The following RGPD2 variants were observed in gnomAD, a reference collection of about 807,000 sequenced individuals.
RGPD2 encodes RANBP2-like and GRIP domain-containing protein 2.
In RGPD2, 2 loss-of-function variants were observed where a neutral mutation model predicts 36.0. The observed-to-expected ratio is 0.06, with a 90% CI of 0.02 to 0.17. RGPD2 has a LOEUF of 0.17. Ranked by LOEUF, RGPD2 falls within the 10% of genes least tolerant of loss-of-function variation. The pLI is 1.00. For missense variants in RGPD2, 40 were observed against 464.3 expected (o/e 0.09, Z 8.40); for synonymous variants, 19 against 163.8 (o/e 0.12, Z 6.75).
chr2:87,957,494 C>T, the RGPD2 span, among the ~76,000 whole-genome samples: 4 of 152,120 alleles, frequency 2.6e-5, no homozygotes, highest in African/African-American at 7.2e-5. Context: ...TGAAGACCCA[C>T]TTCCTGGTTC....
chr2:87,905,588 C>T, the RGPD2 span, among the ~76,000 whole-genome samples: 1 of 151,718 alleles, frequency 6.6e-6, no homozygotes, highest in Non-Finnish European at 1.5e-5. Flanking sequence ...CAGAGCTGTA[C>T]AGCCCTTACC....
the RGPD2 span, among the ~76,000 whole-genome samples, chr2:87,947,804 A>G: frequency 6.6e-6 from 1 of 152,310 alleles, no homozygotes; most frequent in Non-Finnish European, 1.5e-5. Context: ...CTCAAGATCT[A>G]AAACATGTCA....
chr2:87,790,488 TAAG>T (rs1201326300), intron 17 of RGPD2, among the ~76,000 whole-genome samples: 2 of 100,864 alleles, frequency 2.0e-5, no homozygotes, highest in South Asian at 4.2e-4. Flanking sequence ...ATTTTAAAGA[TAAG>T]AAGCCAGTCA....
chr2:87,876,162 G>T, the RGPD2 span, among the ~76,000 whole-genome samples: 3 of 150,572 alleles, frequency 2.0e-5, no homozygotes, highest in Admixed American at 1.3e-4. Flanking sequence ...TAAAAAAACA[G>T]CTTCTGGATT....
At chr2:87,825,115 CTG>C (rs1686646749) in intron 1 of RGPD2, 1 of 390,216 alleles carries the variant, frequency 2.6e-6, no homozygotes, top group Admixed American at 4.5e-5. Flanking sequence ...GAACGAAAAT[CTG>C]TTCGCTTCAT....
Position 87,809,965 on chromosome 2 carries a change from T to A in RGPD2, c.779+1520A>T, listed in dbSNP as rs1263445935. The stretch of plus-strand genomic sequence containing the variant: ...GTGAGCCGAGATTGCGCCACTCTAC[T>A]CCAGGCTGGGTGACAGAGCGAGACT... On this transcript the variant is annotated intron_variant, in intron 6 of 22. Transcript: ENST00000398146. 9.1e-3 allele frequency among the ~76,000 whole-genome samples: 552 copies of A among 60,898 alleles called. 1 individual carries two copies. The highest frequency in any genetic ancestry group is 0.013 in the Non-Finnish European group (360 of 28,020). The allele number at this position is 60,898 out of a possible 152,430, so 40.0% of individuals were successfully genotyped here. A position where few individuals can be genotyped will look rare whatever the true frequency, so the allele number is the denominator to read the frequency against.
the RGPD2 span, among the ~76,000 whole-genome samples, chr2:87,985,225 G>A: frequency 2.0e-5 from 3 of 150,328 alleles, no homozygotes; most frequent in African/African-American, 4.9e-5. Flanking sequence ...TAAGTACAGA[G>A]TAGATGGTAT....
At chr2:87,963,981 A>C in the RGPD2 span, among the ~76,000 whole-genome samples, 2 of 149,192 alleles carry the variant, frequency 1.3e-5, no homozygotes, top group Admixed American at 1.3e-4. Context: ...GATTACAGGT[A>C]CGTGCCATCA....
chr2:87,972,852 T>C, the RGPD2 span: 23 of 1,611,100 alleles, frequency 1.4e-5, no homozygotes, highest in Admixed American at 3.8e-4. Flanking sequence ...TGGACTGTCC[T>C]CATCCTCTTT....
the RGPD2 span, among the ~76,000 whole-genome samples, chr2:87,970,058 C>T: frequency 4.0e-5 from 6 of 151,558 alleles, no homozygotes; most frequent in African/African-American, 1.2e-4. Context: ...AAAATCATTT[C>T]TAAAGACTAT....
the RGPD2 span, among the ~76,000 whole-genome samples, chr2:87,939,466 G>T: frequency 6.6e-6 from 1 of 151,844 alleles, no homozygotes; most frequent in Non-Finnish European, 1.5e-5. Context: ...ACACTATCAG[G>T]GTCACGTGTT....
chr2:87,937,519 A>G, the RGPD2 span, among the ~76,000 whole-genome samples: 3 of 151,846 alleles, frequency 2.0e-5, no homozygotes, highest in African/African-American at 7.3e-5. Flanking sequence ...AAGGGAGAGT[A>G]GGCATGTCAC....
At chr2:87,861,731 T>G in the RGPD2 span, among the ~76,000 whole-genome samples, 1 of 149,314 alleles carries the variant, frequency 6.7e-6, no homozygotes, top group African/African-American at 2.5e-5. Context: ...GCAGACCATA[T>G]AGCTACCATC....
the RGPD2 span, among the ~76,000 whole-genome samples, chr2:87,917,972 T>C: frequency 8.5e-6 from 1 of 118,304 alleles, no homozygotes. Context: ...ATCAAATTTC[T>C]TATTGTTTTT....
chr2:87,876,420 A>T, the RGPD2 span, among the ~76,000 whole-genome samples: 1 of 152,222 alleles, frequency 6.6e-6, no homozygotes, highest in Non-Finnish European at 1.5e-5. Context: ...AAATTCTAGT[A>T]CATTGTCTCT....
At chr2:87,989,410 T>C in the RGPD2 span, among the ~76,000 whole-genome samples, 8 of 152,124 alleles carry the variant, frequency 5.3e-5, 1 homozygote, top group Middle Eastern at 3.4e-3. Context: ...GTCACCATCA[T>C]CAAAAGGACA....
At chr2:87,955,264 C>G in the RGPD2 span, among the ~76,000 whole-genome samples, 4 of 148,776 alleles carry the variant, frequency 2.7e-5, no homozygotes, top group Non-Finnish European at 3.0e-5. Flanking sequence ...TCCACCCCCC[C>G]ACAGCCTCCC....
At chr2:87,913,551 A>T in the RGPD2 span, among the ~76,000 whole-genome samples, 1 of 150,490 alleles carries the variant, frequency 6.6e-6, no homozygotes, top group South Asian at 2.1e-4. Context: ...TAATAATAAT[A>T]AAAAAATACA....
At chr2:87,857,126 A>G in the RGPD2 span, among the ~76,000 whole-genome samples, 1 of 152,266 alleles carries the variant, frequency 6.6e-6, no homozygotes, top group African/African-American at 2.4e-5. Flanking sequence ...AAAGATACTG[A>G]GCCTATGCTT....
Sources: allele counts gnomAD v4.1 joint callset (sites outside exome capture counted in the v4.1 genomes callset), GRCh38; gene constraint gnomAD v4.1.1; transcripts MANE v1.5; gene names NCBI Gene and HGNC (gene_info 2026-07-23, HGNC 2026-07-21).